The following IQSEC1 variants were observed in gnomAD, a reference collection of about 807,000 sequenced individuals.
IQSEC1 encodes the protein IQ motif and SEC7 domain-containing protein 1.
A neutral mutation model predicts 91.0 loss-of-function variants in IQSEC1; 31 were observed. The ratio of observed to expected loss-of-function variants is 0.34; its 90% CI spans 0.26 to 0.46. The LOEUF (loss-of-function observed/expected upper bound fraction) is 0.46, where lower values mean the gene tolerates loss of function less well. Among genes scored for constraint, IQSEC1 ranks in the 20% least tolerant of loss-of-function variants. IQSEC1 has a pLI of 1.00. For synonymous variants in IQSEC1, 699 were observed against 662.6 expected, an observed-to-expected ratio of 1.05 and a Z score of -0.84; for missense variants, 1,388 against 1,575.6, an observed-to-expected ratio of 0.88 and a Z score of 2.02.
chr3:13,180,476 G>A (rs550574353), intron 1 of IQSEC1, among the ~76,000 whole-genome samples: 42 of 152,060 alleles, frequency 2.8e-4, no homozygotes, highest in Non-Finnish European at 4.9e-4. Context: ...CAGTCCACTC[G>A]GCTCTCTGTA....
At chr3:13,260,690 T>G (rs554523790) in intron 1 of IQSEC1, among the ~76,000 whole-genome samples, 1 of 152,310 alleles carries the variant, frequency 6.6e-6, no homozygotes, top group East Asian at 1.9e-4. Context: ...ATGCAGGGAC[T>G]GAGGACACAG....
At chr3:13,271,160 G>A (rs1209082770) in intron 1 of IQSEC1, among the ~76,000 whole-genome samples, 1 of 151,842 alleles carries the variant, frequency 6.6e-6, no homozygotes, top group Non-Finnish European at 1.5e-5. Context: ...GGCTGATCAC[G>A]AGGTCAGGGG....
At chr3:13,261,291 T>C (rs1695381729) in intron 1 of IQSEC1, among the ~76,000 whole-genome samples, 1 of 152,138 alleles carries the variant, frequency 6.6e-6, no homozygotes, top group Admixed American at 6.5e-5. Context: ...GTCCGGTCGA[T>C]GTGGAGGGAC....
At chr3:12,980,033 T>G (rs548619212) in intron 1 of IQSEC1, among the ~76,000 whole-genome samples, 195 of 152,284 alleles carry the variant, frequency 1.3e-3, no homozygotes, top group Middle Eastern at 0.01. Flanking sequence ...GAACAAGACT[T>G]GGCTGCTGCC....
At chr3:13,069,211 C>T (rs572298661) in intron 1 of IQSEC1, among the ~76,000 whole-genome samples, 4 of 152,044 alleles carry the variant, frequency 2.6e-5, no homozygotes, top group South Asian at 2.1e-4. Flanking sequence ...GGTCATCACA[C>T]GTGCTTGAGT....
intron 1 of IQSEC1, among the ~76,000 whole-genome samples, chr3:13,248,646 A>G (rs11128638): frequency 0.055 from 8,355 of 152,272 alleles, 557 homozygotes; most frequent in East Asian, 0.35. Context: ...TAGCCCCCTT[A>G]CAGGTCATGT....
chr3:13,066,724 G>A lies in IQSEC1; in HGVS notation c.23+6268C>T, dbSNP rs552308209. On this transcript the variant is annotated intron_variant, in intron 1 of 13. Transcript: ENST00000613206. ...GCCCCACCCCGTTCTCTTCCCAGCTGTATCCAGGAGCCGCTCTGGCAGGTG... is the reference window on the plus strand; with the variant it reads ...GCCCCACCCCGTTCTCTTCCCAGCTATATCCAGGAGCCGCTCTGGCAGGTG... Among the ~76,000 whole-genome samples the A allele has an allele frequency of 7.7e-4, 117 of 152,334 alleles. No homozygotes were observed. In the South Asian group the frequency reaches 8.5e-3, roughly 11 times the overall value.
rs1706157900 is a variant in IQSEC1 at position 13,106,704 on chromosome 3, C to T, written c.302+57400G>A. On this transcript the variant is annotated intron_variant, in intron 2 of 15. Transcript: ENST00000648114. ...ATCAATGAATGGGCACTGCCCTCCTCCTGCGGCTCCATGGGTTAGTGCAGG... is the reference window on the plus strand; with the variant it reads ...ATCAATGAATGGGCACTGCCCTCCTTCTGCGGCTCCATGGGTTAGTGCAGG... Among the ~76,000 whole-genome samples the T allele has an allele frequency of 2.0e-5, 3 of 152,230 alleles. No individual in the cohort carries two copies. In the South Asian group the frequency reaches 6.2e-4, roughly 32 times the overall value.
At chr3:13,101,419 C>CAAAAAAAAA (rs5846799) in intron 2 of IQSEC1, among the ~76,000 whole-genome samples, 5 of 119,484 alleles carry the variant, frequency 4.2e-5, no homozygotes, top group African/African-American at 1.3e-4. Context: ...ATTCCATCTC[C>CAAAAAAAAA]AAAAAAAAAA....
At chr3:13,016,012 G>C (rs1379896778) in intron 1 of IQSEC1, among the ~76,000 whole-genome samples, 2 of 152,224 alleles carry the variant, frequency 1.3e-5, no homozygotes, top group African/African-American at 4.8e-5. Context: ...GCCAGCTGGA[G>C]CCAGCAGCAT....
intron 1 of IQSEC1, among the ~76,000 whole-genome samples, chr3:13,217,978 C>A (rs1171449257): frequency 1.3e-5 from 2 of 152,060 alleles, no homozygotes; most frequent in Non-Finnish European, 2.9e-5. Flanking sequence ...ATGACCTGAC[C>A]TCTACACAGC....
chr3:12,972,666 T>G (rs1700962726), intron 1 of IQSEC1, among the ~76,000 whole-genome samples: 2 of 152,206 alleles, frequency 1.3e-5, no homozygotes, highest in Non-Finnish European at 2.9e-5. Flanking sequence ...ATCCTCATTT[T>G]ACAGACAGGG....
At chr3:13,150,940 G>A (rs1706987206) in intron 2 of IQSEC1, among the ~76,000 whole-genome samples, 1 of 152,230 alleles carries the variant, frequency 6.6e-6, no homozygotes, top group Non-Finnish European at 1.5e-5. Context: ...GCCTGGTGGG[G>A]CAGGGCCAGG....
At chr3:13,047,155 C>T (rs1351760133) in intron 1 of IQSEC1, among the ~76,000 whole-genome samples, 2 of 152,202 alleles carry the variant, frequency 1.3e-5, no homozygotes, top group Non-Finnish European at 2.9e-5. Context: ...TTGGGAGACC[C>T]ACCAGCCTTG....
At chr3:13,064,762 G>A (rs912667135) in intron 1 of IQSEC1, among the ~76,000 whole-genome samples, 1 of 152,270 alleles carries the variant, frequency 6.6e-6, no homozygotes, top group African/African-American at 2.4e-5. Flanking sequence ...ACCAGACTCG[G>A]ATAGTTGCTC....
chr3:12,965,131 C>T (rs1559680632), intron 1 of IQSEC1, among the ~76,000 whole-genome samples: 1 of 152,192 alleles, frequency 6.6e-6, no homozygotes, highest in African/African-American at 2.4e-5. Flanking sequence ...TCTGGGTTCT[C>T]TTAGTGTGTG....
At position 12,936,350 on chromosome 3, in the gene IQSEC1, G is replaced by A; in HGVS notation, c.666C>T (p.Ile222=). ...PAPSSDFADA[I]TELEDAFSRQ... is the part of the protein sequence containing the mutation. ...TAGAGAAGGCGTCCTCCAGCTCGGT[G>A]ATGGCGTCCGCAAAGTCACTGGAGG... The change falls in exon 3 of 14, where the codon ATC becomes ATT. Residue 222 remains isoleucine, a synonymous_variant. Transcript: ENST00000613206. 6.2e-7 allele frequency: 1 copy of A among 1,605,926 alleles called. No individual in the cohort carries two copies. Among genetic ancestry groups the A allele is most frequent in the Non-Finnish European group, 8.5e-7 (1 of 1,174,434 alleles).
chr3:13,088,633 TC>T (rs959199538), intron 2 of IQSEC1, among the ~76,000 whole-genome samples: 1 of 152,000 alleles, frequency 6.6e-6, no homozygotes, highest in Admixed American at 6.6e-5. Context: ...CTCAGTACCC[TC>T]CCGGGGACCC....
chr3:13,216,877 T>A (rs1694560807), intron 1 of IQSEC1, among the ~76,000 whole-genome samples: 1 of 152,200 alleles, frequency 6.6e-6, no homozygotes, highest in Non-Finnish European at 1.5e-5. Flanking sequence ...ATATGGACGC[T>A]TTCTCCCGAT....
Sources: gnomAD v4.1 joint callset for allele counts (sites outside exome capture counted in the v4.1 genomes callset) on GRCh38, gnomAD v4.1.1 for gene constraint, MANE v1.5 for transcripts, NCBI Gene and HGNC (gene_info 2026-07-23, HGNC 2026-07-21) for gene names.